The following WDR70 variants were observed in gnomAD, a reference collection of about 807,000 sequenced individuals.
WDR70 encodes WD repeat domain 70, also known as WD repeat-containing protein 70.
Under a neutral mutation model 88.6 loss-of-function variants are expected in WDR70, and 53 were observed. The observed-to-expected ratio is 0.60, with a 90% CI of 0.48 to 0.75. The LOEUF (loss-of-function observed/expected upper bound fraction) is 0.75, where lower values mean the gene tolerates loss of function less well. Ranked by LOEUF, WDR70 falls within the 30% of genes least tolerant of loss-of-function variation. The pLI, the probability that WDR70 is intolerant of heterozygous loss-of-function variation, is 0.00. For missense variants in WDR70, 610 were observed against 823.2 expected, an observed-to-expected ratio of 0.74 and a Z score of 3.17; for synonymous variants, 280 against 270.0, an observed-to-expected ratio of 1.04 and a Z score of -0.36.
intron 9 of WDR70, among the ~76,000 whole-genome samples, chr5:37,528,513 A>C (rs1741374286): frequency 6.6e-6 from 1 of 152,174 alleles, no homozygotes; most frequent in African/African-American, 2.4e-5. Context: ...GAGCATTAGG[A>C]GATATACCTA....
Position 37,482,541 on chromosome 5 carries a change from G to T in WDR70, c.840+2554G>T, listed in dbSNP as rs149311163. ...TGGGGGGAACCGTCCCCATGATTCA[G>T]TTATCTGCACCTGGCCCCACCCTTG... On this transcript the variant is annotated intron_variant, in intron 8 of 17. Transcript: ENST00000265107. Among the ~76,000 whole-genome samples the T allele has an allele frequency of 4.3e-3, 651 of 152,284 alleles. 9 individuals are homozygous for T. Among genetic ancestry groups the T allele is most frequent in the African/African-American group, 0.015 (618 of 41,554 alleles).
rs528089058 is a variant in WDR70, at chr5:37,406,123, T to G, written c.492+9553T>G. Reference sequence around the variant, plus strand: ...AAACTGGAAAACTAAGGAAAACAAATTAAGTTAATTAATATAAAACATGAG... The same window carrying G: ...AAACTGGAAAACTAAGGAAAACAAAGTAAGTTAATTAATATAAAACATGAG... On this transcript the variant is annotated intron_variant, in intron 5 of 17. Coordinates refer to ENST00000265107, the MANE Select transcript of WDR70 (RefSeq NM_018034.4). Among the ~76,000 whole-genome samples the G allele has an allele frequency of 2.3e-4, 35 of 152,218 alleles. 1 individual carries two copies. The highest frequency in any genetic ancestry group is 2.6e-4 in the Admixed American group (4 of 15,282).
chr5:37,396,128 C>T (rs1198296626), intron 4 of WDR70, among the ~76,000 whole-genome samples: 4 of 152,106 alleles, frequency 2.6e-5, no homozygotes, highest in African/African-American at 9.7e-5. Flanking sequence ...TGCTAATGGT[C>T]TAATGGCTGT....
intron 8 of WDR70, among the ~76,000 whole-genome samples, chr5:37,507,934 T>A (rs1740610681): frequency 6.6e-6 from 1 of 152,202 alleles, no homozygotes; most frequent in Non-Finnish European, 1.5e-5. Flanking sequence ...AATGTTTTAT[T>A]TCTCCTTTTA....
intron 10 of WDR70, among the ~76,000 whole-genome samples, chr5:37,667,189 A>G (rs116611708): frequency 6.2e-4 from 95 of 152,302 alleles, no homozygotes; most frequent in African/African-American, 2.2e-3. Flanking sequence ...AGGAGAAAAA[A>G]AGTTATTTTA....
intron 7 of WDR70, among the ~76,000 whole-genome samples, chr5:37,461,585 G>A (rs1223163532): frequency 1.3e-5 from 2 of 151,974 alleles, no homozygotes; most frequent in Non-Finnish European, 2.9e-5. Context: ...CTGGGTTCAC[G>A]CCGTTCTCCT....
At position 37,605,834 on chromosome 5, in the gene WDR70, C is replaced by G. The variant is rs570870660; in HGVS notation, c.1092+596C>G. On this transcript the variant is annotated intron_variant, in intron 10 of 17. Transcript: ENST00000265107. ...TGAATACAAAAGCCCTTGGCTAGTT[C>G]TGTCAATTACCAATAAGCTGTAAAA... Among the ~76,000 whole-genome samples, 4 of 152,256 alleles carry G rather than the reference C, an allele frequency of 2.6e-5. No individual in the cohort carries two copies. In the South Asian group the frequency reaches 8.3e-4, roughly 32 times the overall value.
intron 10 of WDR70, among the ~76,000 whole-genome samples, chr5:37,662,022 A>C (rs949998082): frequency 6.6e-6 from 1 of 152,228 alleles, no homozygotes; most frequent in African/African-American, 2.4e-5. Flanking sequence ...TTCAGAGTCA[A>C]ACCATAAACT....
chr5:37,552,819 G>T (rs1327031078), intron 9 of WDR70, among the ~76,000 whole-genome samples: 1 of 152,176 alleles, frequency 6.6e-6, no homozygotes, highest in Admixed American at 6.5e-5. Context: ...ACTCTCCAGG[G>T]TGCTTTCCTG....
chr5:37,463,134 T>C (rs1471807583), intron 7 of WDR70, among the ~76,000 whole-genome samples: 1 of 152,080 alleles, frequency 6.6e-6, no homozygotes. Flanking sequence ...TAGCCCAGCA[T>C]GGTGGCACGC....
At chr5:37,383,563 A>C (rs1748499945) in intron 3 of WDR70, among the ~76,000 whole-genome samples, 1 of 149,830 alleles carries the variant, frequency 6.7e-6, no homozygotes, top group African/African-American at 2.5e-5. Flanking sequence ...TGCCAGGCCA[A>C]AACCCATCAT....
chr5:37,696,463 A>C (rs1168952223), intron 10 of WDR70, among the ~76,000 whole-genome samples: 1 of 152,180 alleles, frequency 6.6e-6, no homozygotes, highest in Non-Finnish European at 1.5e-5. Flanking sequence ...TTTGTGACTC[A>C]TTCTTCATAA....
intron 9 of WDR70, among the ~76,000 whole-genome samples, chr5:37,525,191 A>G (rs1330172650): frequency 6.6e-6 from 1 of 152,212 alleles, no homozygotes; most frequent in Non-Finnish European, 1.5e-5. Flanking sequence ...TCTCAGCACC[A>G]CATTGCACTT....
intron 10 of WDR70, among the ~76,000 whole-genome samples, chr5:37,625,968 A>G (rs1744653981): frequency 6.6e-6 from 1 of 150,938 alleles, no homozygotes; most frequent in Non-Finnish European, 1.5e-5. Context: ...TTTGTACCCT[A>G]CAAATTTACT....
intron 6 of WDR70, among the ~76,000 whole-genome samples, 167 bp from the exon 7 acceptor site, chr5:37,443,072 A>G (rs1167643757): frequency 2.0e-5 from 3 of 152,238 alleles, no homozygotes; most frequent in African/African-American, 4.8e-5. Flanking sequence ...GTCTAATAAT[A>G]TGGAAGGCAA....
intron 6 of WDR70, among the ~76,000 whole-genome samples, chr5:37,439,957 C>T (rs538813715): frequency 7.2e-5 from 11 of 152,246 alleles, no homozygotes; most frequent in African/African-American, 2.2e-4. Context: ...CACACATACA[C>T]TCTTTCCTAC....
intron 9 of WDR70, among the ~76,000 whole-genome samples, chr5:37,571,101 A>C (rs1742886448): frequency 6.6e-6 from 1 of 152,132 alleles, no homozygotes; most frequent in Non-Finnish European, 1.5e-5. Context: ...TAGTGCTTGA[A>C]AATGTTTGTG....
At chr5:37,721,253 A>G (rs369700448) in intron 14 of WDR70, 38 bp downstream of exon 14, 2 of 1,571,500 alleles carry the variant, frequency 1.3e-6, no homozygotes, top group Admixed American at 1.7e-5. Flanking sequence ...ATGGATGACA[A>G]CAACTGGGGG....
chr5:37,628,612 C>T (rs886151286), intron 10 of WDR70, among the ~76,000 whole-genome samples: 2 of 152,098 alleles, frequency 1.3e-5, no homozygotes, highest in African/African-American at 4.8e-5. Context: ...TTCTTATAGG[C>T]AGAATATGTT....
Sources: gnomAD v4.1 joint callset for allele counts (sites outside exome capture counted in the v4.1 genomes callset) on GRCh38, gnomAD v4.1.1 for gene constraint, MANE v1.5 for transcripts, NCBI Gene and HGNC (gene_info 2026-07-23, HGNC 2026-07-21) for gene names.